The following CD276 variants were observed in gnomAD, a reference collection of about 807,000 sequenced individuals.
The protein encoded by CD276 is CD276 antigen.
In CD276, 34 loss-of-function variants were observed where a neutral mutation model predicts 50.0. The observed-to-expected ratio is 0.68, with a 90% CI of 0.52 to 0.91. The LOEUF is 0.91. CD276 is among the 40% of genes least tolerant of loss of function. CD276 has a pLI of 0.00. For synonymous variants in CD276, 275 were observed against 313.0 expected, an observed-to-expected ratio of 0.88 and a Z score of 1.28; for missense variants, 634 against 717.5, an observed-to-expected ratio of 0.88 and a Z score of 1.33.
intron 7 of CD276, 112 bp downstream of exon 7, chr15:73,708,585 G>T (rs1022133740): frequency 1.6e-6 from 2 of 1,284,182 alleles, no homozygotes; most frequent in African/African-American, 2.9e-5. Context: ...ACGAGTGTGT[G>T]TGTGCAGATG....
intron 1 of CD276, among the ~76,000 whole-genome samples, chr15:73,694,141 T>C (rs1900084103): frequency 6.6e-6 from 1 of 152,176 alleles, no homozygotes; most frequent in South Asian, 2.1e-4. Flanking sequence ...GGAACTGATC[T>C]TCCCCCTCCA....
Position 73,703,979 on chromosome 15 carries a change from G to T in CD276, c.1054G>T (p.Val352Phe). The T allele has an allele frequency of 1.9e-6, 3 of 1,610,218 alleles. No homozygotes were observed. The highest frequency in any genetic ancestry group is 8.5e-7 in the Non-Finnish European group (1 of 1,179,150). Residue 352 changes from valine (V) to phenylalanine (F), a missense_variant, in exon 5 of 10, where the codon GTC (valine) becomes TTC (phenylalanine). Val to Phe is a conservative substitution (Grantham distance 50). Transcript: ENST00000318443. ...CATCCGGGATTTCGGCAGCGCTGCCGTCAGCCTGCAGGTGGCCGGTGAGCA... is the reference window on the plus strand; with the variant it reads ...CATCCGGGATTTCGGCAGCGCTGCCTTCAGCCTGCAGGTGGCCGGTGAGCA... ...VSIRDFGSAA[V>F]SLQVAAPYSK...
chr15:73,699,456 T>G, intron 1 of CD276, 130 bp from the exon 2 acceptor site: 1 of 1,221,664 alleles, frequency 8.2e-7, no homozygotes, highest in Non-Finnish European at 1.1e-6. Flanking sequence ...GGGGGCCCGG[T>G]GGGATATGGG....
chr15:73,713,035 C>A lies in CD276; in HGVS notation c.*79C>A. 7.5e-7 allele frequency: 1 copy of A among 1,338,270 alleles called. No individual in the cohort carries two copies. Among genetic ancestry groups the A allele is most frequent in the Non-Finnish European group, 1.1e-6 (1 of 944,604 alleles). The allele number at this position is 1,338,270 out of a possible 1,614,324, so 82.9% of individuals were successfully genotyped here. On this transcript the variant is annotated 3_prime_UTR_variant, in exon 10 of 10. Coordinates refer to ENST00000318443, the MANE Select transcript of CD276 (RefSeq NM_001024736.2). ...CAATGGGGCTGCACTGTGAGCCCTG[C>A]CCCCAACAGATGCATCCTGCTCTGA...
rs1394817141 is a variant in CD276, at chr15:73,704,953, A to C, written c.1369+481A>C. 6.6e-6 allele frequency among the ~76,000 whole-genome samples: 1 copy of C among 152,162 alleles called. No individual in the cohort carries two copies. Among genetic ancestry groups the C allele is most frequent in the Non-Finnish European group, 1.5e-5 (1 of 68,016 alleles). ...CTTCCTGCAGACTTGCGCTCCACCCAGGCAGCCGTTGGATGGGCAGGGGCT... is the reference window on the plus strand; with the variant it reads ...CTTCCTGCAGACTTGCGCTCCACCCCGGCAGCCGTTGGATGGGCAGGGGCT... On this transcript the variant is annotated intron_variant, in intron 6 of 9. Coordinates refer to ENST00000318443, the MANE Select transcript of CD276 (RefSeq NM_001024736.2). The surrounding 1 kb of genome is among the most constrained non-coding windows in gnomAD (Gnocchi z 4.1).
Position 73,686,304 on chromosome 15 carries a change from G to A in CD276, c.-55+1844G>A, listed in dbSNP as rs143806285. 57 of 985,234 alleles carry A rather than the reference G, an allele frequency of 5.8e-5. No homozygotes were observed. In the African/African-American group the frequency reaches 9.8e-4, roughly 17 times the overall value. The allele number at this position is 985,234 out of a possible 1,614,324, so 61.0% of individuals were successfully genotyped here. On this transcript the variant is annotated intron_variant, in intron 1 of 9. Coordinates refer to ENST00000318443, the MANE Select transcript of CD276 (RefSeq NM_001024736.2). ...GCTGTGAGACATGAGCTTGTCAGAG[G>A]TAAGGAGCCTGTGTTAATGCAAGTC...
rs78797156 is a variant in CD276, at chr15:73,689,349, A to G, written c.-55+4889A>G. ...TGATGACATACTACTGTCCTGACTCACACAGAAATCGCTTGGAGAGGAAGA... is the reference window on the plus strand; with the variant it reads ...TGATGACATACTACTGTCCTGACTCGCACAGAAATCGCTTGGAGAGGAAGA... On this transcript the variant is annotated intron_variant, in intron 1 of 9. Coordinates refer to ENST00000318443, the MANE Select transcript of CD276 (RefSeq NM_001024736.2). Among the ~76,000 whole-genome samples, 1,435 of 152,232 alleles carry G rather than the reference A, an allele frequency of 9.4e-3. 27 individuals carry two copies. The highest frequency in any genetic ancestry group is 0.033 in the African/African-American group (1,356 of 41,524).
chr15:73,704,103 T>C lies in CD276; in HGVS notation c.1073-73T>C. On this transcript the variant is annotated intron_variant, in intron 5 of 9. Transcript: ENST00000318443. This position sits in a 1 kb window ranked among gnomAD's most constrained non-coding sequence, Gnocchi z 4.1. ...CCCAGAACCCCAGTGCTGATTCCTG[T>C]ACTCAGCCCCATGCATCCTTTTCCT... is the stretch of plus-strand genomic sequence containing the variant. 3 of 1,568,234 alleles carry C rather than the reference T, an allele frequency of 1.9e-6. No individual in the cohort carries two copies. Among genetic ancestry groups the C allele is most frequent in the South Asian group, 1.2e-5 (1 of 84,112 alleles).
At chr15:73,711,483 C>T in intron 9 of CD276, 1 of 330,450 alleles carries the variant, frequency 3.0e-6, no homozygotes, top group Non-Finnish European at 5.6e-6. Context: ...GGATTCTGCC[C>T]TCTTCAACTT....
At chr15:73,706,216 C>T (rs150328755) in intron 6 of CD276, among the ~76,000 whole-genome samples, 3,374 of 152,220 alleles carry the variant, frequency 0.022, 131 homozygotes, top group African/African-American at 0.077. Context: ...TGTCACTGCA[C>T]TCCAGCCTGG....
At chr15:73,696,841 C>A (rs757072678) in intron 1 of CD276, among the ~76,000 whole-genome samples, 1 of 152,064 alleles carries the variant, frequency 6.6e-6, no homozygotes, top group Non-Finnish European at 1.5e-5. Flanking sequence ...TGTCTTAGGT[C>A]CTAAGAGAAG....
chr15:73,693,577 G>A (rs546510107), intron 1 of CD276, among the ~76,000 whole-genome samples: 3 of 152,198 alleles, frequency 2.0e-5, no homozygotes, highest in African/African-American at 7.2e-5. Flanking sequence ...ATGAGTGTGA[G>A]TGACTTCTGA....
intron 1 of CD276, among the ~76,000 whole-genome samples, chr15:73,694,616 A>C (rs1177047414): frequency 6.6e-6 from 1 of 151,918 alleles, no homozygotes; most frequent in Non-Finnish European, 1.5e-5. Context: ...TGCCGTCCTC[A>C]GGGTGTTGCC....
intron 1 of CD276, chr15:73,690,701 AT>A (rs1475836059): frequency 2.2e-6 from 1 of 455,870 alleles, no homozygotes; most frequent in Admixed American, 2.4e-5. Context: ...TACAGTGGCA[AT>A]TAAATTTCAA....
At chr15:73,709,536 A>G in intron 7 of CD276, 112 bp from the exon 8 acceptor site, 1 of 1,019,480 alleles carries the variant, frequency 9.8e-7, no homozygotes, top group Non-Finnish European at 1.5e-6. Context: ...TCCGCAGGTC[A>G]GGCCCACTCA....
chr15:73,690,961 G>C (rs534776937), intron 1 of CD276, among the ~76,000 whole-genome samples: 5 of 80,478 alleles, frequency 6.2e-5, no homozygotes, highest in Non-Finnish European at 1.3e-4. Context: ...TGAAGGCAGT[G>C]ATATAATTTA....
Position 73,713,611 on chromosome 15 carries a change from C to T in CD276, c.*655C>T, listed in dbSNP as rs745855896. On this transcript the variant is annotated 3_prime_UTR_variant, in exon 10 of 10. Transcript: ENST00000318443. ...GTGAAGACAGGGCACTCTGCGCCCA[C>T]CACATGCACAGCTGTGCATGGAGAC... 4 of 337,940 alleles carry T rather than the reference C, an allele frequency of 1.2e-5. No individual in the cohort carries two copies. Among genetic ancestry groups the T allele is most frequent in the Non-Finnish European group, 2.2e-5 (4 of 183,830 alleles). 20.9% of individuals were successfully genotyped at this position (337,940 alleles called of 1,614,324 possible).
rs150032511 is a variant in CD276, at chr15:73,693,055, A to G, written c.-54-6531A>G. On this transcript the variant is annotated intron_variant, in intron 1 of 9. Coordinates refer to ENST00000318443, the MANE Select transcript of CD276 (RefSeq NM_001024736.2). ...ACAGCCCTGGGGATGAGATGGGTAGATGGGAGCTGGGTAGCAGCACAGGTA... is the reference window on the plus strand; with the variant it reads ...ACAGCCCTGGGGATGAGATGGGTAGGTGGGAGCTGGGTAGCAGCACAGGTA... Among the ~76,000 whole-genome samples, 266 of 152,286 alleles carry G rather than the reference A, an allele frequency of 1.7e-3. 1 individual carries two copies. Among genetic ancestry groups the G allele is most frequent in the African/African-American group, 5.2e-3 (216 of 41,558 alleles).
At chr15:73,695,001 C>T (rs1162508286) in intron 1 of CD276, among the ~76,000 whole-genome samples, 5 of 152,106 alleles carry the variant, frequency 3.3e-5, no homozygotes, top group African/African-American at 9.7e-5. Flanking sequence ...GGTGACAGAG[C>T]GGGACCCTGT....
Sources: gnomAD v4.1 joint callset for allele counts (sites outside exome capture counted in the v4.1 genomes callset) on GRCh38, gnomAD v4.1.1 for gene constraint, Gnocchi (gnomAD v3.1) non-coding constraint, MANE v1.5 for transcripts, NCBI Gene and HGNC (gene_info 2026-07-23, HGNC 2026-07-21) for gene names.